The following HMCN1 variants were observed in gnomAD, a reference collection of about 807,000 sequenced individuals.
HMCN1 encodes hemicentin-1.
A neutral mutation model predicts 625.9 loss-of-function variants in HMCN1; 321 were observed. The observed-to-expected ratio is 0.51, with a 90% CI of 0.47 to 0.56. The LOEUF is 0.56. HMCN1 is among the 20% of genes least tolerant of loss of function. The probability of loss-of-function intolerance (pLI) is 0.00; values close to 1 mark genes in which losing one functional copy is unlikely to be tolerated. For missense variants in HMCN1, 6,588 were observed against 6,887.3 expected (o/e 0.96, Z 1.54); for synonymous variants, 2,425 against 2,417.6 (o/e 1.00, Z -0.09).
At chr1:185,948,395 G>A (rs919731346) in intron 11 of HMCN1, among the ~76,000 whole-genome samples, 1 of 150,548 alleles carries the variant, frequency 6.6e-6, no homozygotes, top group Admixed American at 6.6e-5. Flanking sequence ...AAGGGAGATA[G>A]GGGTGGGGCC....
chr1:186,105,303 T>C (rs1660559854), intron 69 of HMCN1, among the ~76,000 whole-genome samples: 1 of 152,256 alleles, frequency 6.6e-6, no homozygotes, highest in Non-Finnish European at 1.5e-5. Context: ...TGATTTTGGT[T>C]ACTCTGCTCC....
chr1:186,174,272 A>T (rs1038843370), intron 102 of HMCN1, among the ~76,000 whole-genome samples: 2 of 152,234 alleles, frequency 1.3e-5, no homozygotes, highest in Non-Finnish European at 2.9e-5. Flanking sequence ...GGAGAAAAAA[A>T]GAAATCTGTG....
At chr1:186,115,041 C>T in intron 74 of HMCN1, 95 bp downstream of exon 74, 5 of 1,555,064 alleles carry the variant, frequency 3.2e-6, no homozygotes, top group Non-Finnish European at 4.4e-6. Flanking sequence ...ACATTGAAGG[C>T]TAGTTAAGCA....
At chr1:185,898,125 TC>T (rs532820113) in intron 4 of HMCN1, among the ~76,000 whole-genome samples, 38 of 152,194 alleles carry the variant, frequency 2.5e-4, no homozygotes, top group African/African-American at 8.9e-4. Context: ...GTGGTGGACC[TC>T]CCCCTGTAGA....
rs781116862 is a variant in HMCN1, at chr1:186,153,809, G to GCTGTTCAC, written c.15080_15087dup (p.Ile5030CysfsTer45). 6.2e-7 allele frequency: 1 copy of GCTGTTCAC among 1,614,074 alleles called. No individual in the cohort carries two copies. The highest frequency in any genetic ancestry group is 1.1e-5 in the South Asian group (1 of 91,072). ...GGCAGCTGTACGCCTACTCAACCCG[G>GCTGTTCAC]CTGTTCACCATTGATGGCATCAGCA... On this transcript the variant is annotated frameshift_variant, in exon 97 of 107. Coordinates refer to ENST00000271588, the MANE Select transcript of HMCN1 (RefSeq NM_031935.3). LOFTEE classifies it high-confidence loss of function.
intron 11 of HMCN1, among the ~76,000 whole-genome samples, chr1:185,958,518 AT>A (rs2102549421): frequency 6.6e-6 from 1 of 152,344 alleles, no homozygotes; most frequent in Admixed American, 6.5e-5. Context: ...GCACAGATGT[AT>A]TTTAAATGCT....
At chr1:186,015,586 G>A in intron 31 of HMCN1, 149 bp downstream of exon 31, 1 of 842,276 alleles carries the variant, frequency 1.2e-6, no homozygotes, top group Non-Finnish European at 1.9e-6. Context: ...CCATGATTTG[G>A]AAAAATATTT....
intron 1 of HMCN1, among the ~76,000 whole-genome samples, chr1:185,789,233 G>A (rs191367738): frequency 1.3e-5 from 2 of 152,280 alleles, no homozygotes; most frequent in Non-Finnish European, 2.9e-5. Flanking sequence ...TGGATTTTCT[G>A]TTAAGAGAAG....
intron 97 of HMCN1, among the ~76,000 whole-genome samples, chr1:186,160,131 T>G (rs1159757655): frequency 6.6e-6 from 1 of 151,772 alleles, no homozygotes; most frequent in African/African-American, 2.4e-5. Context: ...GTTCAACTTC[T>G]TCCTGGTTTA....
Position 185,864,652 on chromosome 1 carries a change from G to A in HMCN1, c.498+24G>A, listed in dbSNP as rs774148263. 7.2e-5 allele frequency: 116 copies of A among 1,611,500 alleles called. No homozygotes were observed. In the East Asian group the frequency reaches 1.6e-3, roughly 22 times the overall value. ...AAGTGAGTAAGAATCAACCCCAAAC[G>A]TCTCTGTCTAAATGCAGTATGTAAG... On this transcript the variant is annotated intron_variant, in intron 3 of 106. Coordinates refer to ENST00000271588, the MANE Select transcript of HMCN1 (RefSeq NM_031935.3).
chr1:186,114,509 T>C (rs949379884), intron 73 of HMCN1, among the ~76,000 whole-genome samples: 1 of 152,184 alleles, frequency 6.6e-6, no homozygotes, highest in Non-Finnish European at 1.5e-5. Context: ...TCCGCCCACC[T>C]CAGCCTTCCA....
intron 55 of HMCN1, among the ~76,000 whole-genome samples, chr1:186,080,280 A>G (rs1659085696): frequency 6.6e-6 from 1 of 152,216 alleles, no homozygotes; most frequent in Non-Finnish European, 1.5e-5. Context: ...AGATACCACA[A>G]GATAGCATCT....
At position 185,962,717 on chromosome 1, in the gene HMCN1, C is replaced by A. The variant is rs1025304021; in HGVS notation, c.1970+58C>A. ...TGAGTGAGAAAAATTGATGAGACTTCTGGACCAAACTAATATGACCAAATC... is the reference window on the plus strand; with the variant it reads ...TGAGTGAGAAAAATTGATGAGACTTATGGACCAAACTAATATGACCAAATC... On this transcript the variant is annotated intron_variant, in intron 12 of 106. Transcript: ENST00000271588. 2.4e-5 allele frequency: 23 copies of A among 940,322 alleles called. No homozygotes were observed. In the Admixed American group the frequency reaches 3.7e-4, roughly 15 times the overall value. The allele number at this position is 940,322 out of a possible 1,614,324, so 58.2% of individuals were successfully genotyped here. A position where few individuals can be genotyped will look rare whatever the true frequency, so the allele number is the denominator to read the frequency against.
At chr1:185,887,180 A>G (rs1664711775) in intron 4 of HMCN1, among the ~76,000 whole-genome samples, 1 of 152,108 alleles carries the variant, frequency 6.6e-6, no homozygotes, top group African/African-American at 2.4e-5. Flanking sequence ...ACTTCCTAGT[A>G]AGTAAGTCTG....
chr1:186,153,628 A>G, intron 96 of HMCN1, 122 bp from the exon 97 acceptor site: 3 of 805,130 alleles, frequency 3.7e-6, no homozygotes, highest in Non-Finnish European at 6.7e-6. Context: ...ACCATCATGC[A>G]TGATGTGTGT....
At chr1:185,799,884 C>T (rs1658672017) in intron 1 of HMCN1, among the ~76,000 whole-genome samples, 1 of 152,114 alleles carries the variant, frequency 6.6e-6, no homozygotes, top group African/African-American at 2.4e-5. Context: ...ATGGAACTCC[C>T]AGGAGTCCCT....
chr1:185,994,602 G>C (rs1652658264), intron 23 of HMCN1, among the ~76,000 whole-genome samples: 1 of 151,910 alleles, frequency 6.6e-6, no homozygotes, highest in Non-Finnish European at 1.5e-5. Context: ...GGCATTACAG[G>C]CTATTTTCCC....
intron 93 of HMCN1, among the ~76,000 whole-genome samples, 178 bp downstream of exon 93, chr1:186,146,101 C>T (rs962084214): frequency 1.3e-5 from 2 of 151,914 alleles, no homozygotes; most frequent in Non-Finnish European, 2.9e-5. Flanking sequence ...GGGTTCTAGC[C>T]TCTATTTTCT....
intron 1 of HMCN1, among the ~76,000 whole-genome samples, chr1:185,837,061 A>T (rs1202779391): frequency 6.7e-6 from 1 of 150,086 alleles, no homozygotes; most frequent in African/African-American, 2.4e-5. Context: ...AAATATATAT[A>T]TATGTGTCAC....
Sources: gnomAD v4.1 joint callset for allele counts (sites outside exome capture counted in the v4.1 genomes callset) on GRCh38, gnomAD v4.1.1 for gene constraint, MANE v1.5 for transcripts, NCBI Gene and HGNC (gene_info 2026-07-23, HGNC 2026-07-21) for gene names.